The following MADD variants were observed in gnomAD, a reference collection of about 807,000 sequenced individuals.
MADD encodes the protein MAP kinase activating death domain, also known as MAP kinase-activating death domain protein.
MADD carries 109 observed loss-of-function variants against 176.7 expected under a neutral mutation model. That is an observed-to-expected ratio of 0.62 (90% CI 0.53 to 0.72). The LOEUF is 0.72. Ranked by LOEUF, MADD falls within the 30% of genes least tolerant of loss-of-function variation. The probability of loss-of-function intolerance (pLI) is 0.00; values close to 1 mark genes in which losing one functional copy is unlikely to be tolerated. For missense variants in MADD, 1,914 were observed against 2,045.5 expected (o/e 0.94, Z 1.24); for synonymous variants, 771 against 771.3 (o/e 1.00, Z 0.01).
At position 47,313,798 on chromosome 11, in the gene MADD, C is replaced by T. The variant is rs2091429731; in HGVS notation, c.4090-1422C>T. On this transcript the variant is annotated intron_variant, in intron 26 of 32. Transcript: ENST00000402192. ...TTTTTGAGACGGAGTCTCACTCTGTCACCCGGGCTGGAGTGCAGCGGCGCG... is the reference window on the plus strand; with the variant it reads ...TTTTTGAGACGGAGTCTCACTCTGTTACCCGGGCTGGAGTGCAGCGGCGCG... Among the ~76,000 whole-genome samples the T allele has an allele frequency of 2.6e-5, 4 of 151,878 alleles. No individual in the cohort carries two copies. In the South Asian group the frequency reaches 8.3e-4, roughly 32 times the overall value.
exon 23 of MADD, chr11:47,308,635 A>T: frequency 6.2e-7 from 1 of 1,614,110 alleles, no homozygotes; most frequent in Non-Finnish European, 8.5e-7. Flanking sequence ...AGAAGCTGGC[A>T]GGCAGCCCCA....
At chr11:47,328,600 G>A in intron 31 of MADD, 58 bp from the exon 36 acceptor site, 1 of 1,612,120 alleles carries the variant, frequency 6.2e-7, no homozygotes, top group South Asian at 1.1e-5. Context: ...GGGGGAGCAT[G>A]GCACGATTGC....
At chr11:47,269,595 G>T (rs1320515387), upstream of MADD, 1 of 152,088 alleles carries the variant, frequency 6.6e-6, no homozygotes, top group African/African-American at 2.4e-5. Flanking sequence ...CTCCCAGCGG[G>T]CGCCGCGGCG....
intron 7 of MADD, among the ~76,000 whole-genome samples, chr11:47,280,077 CA>C (rs60881789): frequency 0.016 from 2,469 of 151,980 alleles, 80 homozygotes; most frequent in African/African-American, 0.057. Flanking sequence ...CTCAAACAAA[CA>C]AAAAAATTCC....
intron 22 of MADD, among the ~76,000 whole-genome samples, chr11:47,299,742 C>G (rs1295770778): frequency 6.6e-6 from 1 of 152,056 alleles, no homozygotes; most frequent in Admixed American, 6.6e-5. Flanking sequence ...GTTGCCCAGG[C>G]TGGTCTAGAA....
intron 22 of MADD, among the ~76,000 whole-genome samples, chr11:47,297,789 CTTTT>C (rs35063043): frequency 1.8e-5 from 2 of 113,392 alleles, no homozygotes; most frequent in East Asian, 2.5e-4. Flanking sequence ...TTCTTTCTTT[CTTTT>C]TTTTTTTTTT....
At position 47,276,871 on chromosome 11, in the gene MADD, T is replaced by G. The variant is rs775388692; in HGVS notation, c.1095+8T>G. 9.9e-6 allele frequency: 16 copies of G among 1,613,636 alleles called. No homozygotes were observed. In the Admixed American group the frequency reaches 1.5e-4, roughly 15 times the overall value. ...ATGGCATCAGCAGAGCAGGTGAGTC[T>G]CAAGGCGACTTCCGGCTTTCTCACC... On this transcript the variant is annotated splice_region_variant and intron_variant, in intron 5 of 32. Transcript: ENST00000402192.
exon 6 of MADD, chr11:47,278,251 A>G: frequency 6.2e-7 from 1 of 1,613,922 alleles, no homozygotes; most frequent in Non-Finnish European, 8.5e-7. Context: ...CTGATGATGT[A>G]TGGCTAGTGG....
At chr11:47,314,135 G>C (rs1324466907) in intron 26 of MADD, among the ~76,000 whole-genome samples, 1 of 152,040 alleles carries the variant, frequency 6.6e-6, no homozygotes, top group African/African-American at 2.4e-5. Flanking sequence ...CAGCTACTTG[G>C]GAGGCTGAGG....
rs561164048 is a variant in MADD, at chr11:47,285,661, A to G, written c.2551+71A>G. The G allele has an allele frequency of 4.3e-5, 69 of 1,597,854 alleles. No homozygotes were observed. The African/African-American group carries it at 6.0e-4, about 14-fold the overall frequency. ...CTACAGCAGAGCCTGACTATGGCAA[A>G]TGTTGCTTAGAACTTCACATGTAGG... is the stretch of plus-strand genomic sequence containing the variant. On this transcript the variant is annotated intron_variant, in intron 14 of 32. Coordinates refer to ENST00000402192, the Ensembl canonical transcript of MADD.
chr11:47,271,063 T>C (rs1234837755), intron 1 of MADD: 1 of 152,268 alleles, frequency 6.6e-6, no homozygotes, highest in Non-Finnish European at 1.5e-5. Context: ...TAAAAGTTTG[T>C]GAATCCTAAA....
chr11:47,284,865 A>G, intron 12 of MADD, 76 bp from the exon 13 acceptor site: 3 of 1,579,664 alleles, frequency 1.9e-6, no homozygotes, highest in Non-Finnish European at 2.6e-6. Context: ...GGCCTGGTCC[A>G]GCCCTGCCAA....
chr11:47,273,828 C>T, exon 2 of MADD: 1 of 1,202,012 alleles, frequency 8.3e-7, no homozygotes, highest in Non-Finnish European at 1.2e-6. Context: ...TCCTATTAGA[C>T]TTCGATTTTC....
At position 47,315,152 on chromosome 11, in the gene MADD, G is replaced by T. The variant is rs2092358235; in HGVS notation, c.4090-68G>T. The T allele has an allele frequency of 5.7e-6, 5 of 878,296 alleles. No homozygotes were observed. In the Admixed American group the frequency reaches 9.2e-5, roughly 16 times the overall value. 54.4% of individuals were successfully genotyped at this position (878,296 alleles called of 1,614,324 possible). On this transcript the variant is annotated intron_variant, in intron 26 of 32. Coordinates refer to ENST00000402192, the Ensembl canonical transcript of MADD. ...CGATATGAATTTGATTGCTGGATGG[G>T]GAATTCTTGGCCCAGAGCCCTCTGA...
intron 13 of MADD, 63 bp downstream of exon 13, chr11:47,285,257 G>C (rs890499108): frequency 6.3e-7 from 1 of 1,584,288 alleles, no homozygotes; most frequent in Admixed American, 1.7e-5. Context: ...TGGACCCTGG[G>C]CAAGGGTTAA....
At chr11:47,319,175 A>G (rs1434077055) in intron 27 of MADD, among the ~76,000 whole-genome samples, 1 of 144,648 alleles carries the variant, frequency 6.9e-6, no homozygotes, top group Non-Finnish European at 1.5e-5. Flanking sequence ...TCTGTCACCC[A>G]GGCTGGAGTG....
At chr11:47,326,776 A>T in exon 31 of MADD, 1 of 1,614,144 alleles carries the variant, frequency 6.2e-7, no homozygotes, top group Non-Finnish European at 8.5e-7. Context: ...AGTGCAATAC[A>T]GTTCGAGGCG....
At chr11:47,326,399 A>C in intron 30 of MADD, 145 bp from the exon 34 acceptor site, 1 of 364,232 alleles carries the variant, frequency 2.7e-6, no homozygotes, top group Middle Eastern at 1.0e-3. Flanking sequence ...CTGAGTGGGG[A>C]CCCCTGGGGC....
At chr11:47,277,741 A>G (rs1194011733) in intron 5 of MADD, among the ~76,000 whole-genome samples, 1 of 152,172 alleles carries the variant, frequency 6.6e-6, no homozygotes, top group Non-Finnish European at 1.5e-5. Context: ...GATAACCGAG[A>G]TGGCTACAGG....
Sources: allele counts gnomAD v4.1 joint callset (sites outside exome capture counted in the v4.1 genomes callset), GRCh38; gene constraint gnomAD v4.1.1; transcripts MANE v1.5; gene names NCBI Gene and HGNC (gene_info 2026-07-23, HGNC 2026-07-21).